The following CD300LG variants were observed in gnomAD, a reference collection of about 807,000 sequenced individuals.
CD300LG encodes the protein CMRF35-like molecule 9.
A neutral mutation model predicts 31.5 loss-of-function variants in CD300LG; 29 were observed. That is an observed-to-expected ratio of 0.92 (90% confidence interval 0.68 to 1.25). The LOEUF (loss-of-function observed/expected upper bound fraction) is 1.25, where lower values mean the gene tolerates loss of function less well. Among genes scored for constraint, CD300LG ranks in the 50% most tolerant of loss-of-function variants. CD300LG has a pLI of 0.00. For missense variants in CD300LG, 396 were observed against 417.6 expected (o/e 0.95, Z 0.45); for synonymous variants, 175 against 177.2 (o/e 0.99, Z 0.10).
Position 43,855,260 on chromosome 17 carries a change from T to G in CD300LG, c.773T>G (p.Leu258Arg). Residue 258 changes from leucine (L) to arginine (R), a missense_variant, in exon 5 of 7, where the codon CTT (leucine) becomes CGT (arginine). Transcript: ENST00000317310. Reference protein sequence around the residue: ...ILAPVLVLLSLLSAAGLIAFC... With the variant: ...ILAPVLVLLSRLSAAGLIAFC... ...GCCCCAGTCCTGGTGCTGCTGAGCC[T>G]TCTGTCAGCCGCAGGCCTGATCGCC... 2 of 1,610,118 alleles carry G rather than the reference T, an allele frequency of 1.2e-6. No individual in the cohort carries two copies. Among genetic ancestry groups the G allele is most frequent in the Non-Finnish European group, 1.7e-6 (2 of 1,178,898 alleles).
At chr17:43,852,771 G>A (rs999241336) in intron 2 of CD300LG, 141 bp from the exon 3 acceptor site, 11 of 562,674 alleles carry the variant, frequency 2.0e-5, no homozygotes, top group Admixed American at 1.7e-4. Context: ...AACCCGCCAC[G>A]TGGCTCCTGG....
intron 6 of CD300LG, among the ~76,000 whole-genome samples, chr17:43,860,367 G>A (rs952993206): frequency 1.3e-5 from 2 of 152,200 alleles, no homozygotes; most frequent in Non-Finnish European, 2.9e-5. Flanking sequence ...TACATGCCCA[G>A]AAAATGGGAG....
rs749556048 is a variant in CD300LG, at chr17:43,861,829, C to A, written c.917C>A (p.Ala306Asp). 84 of 1,611,868 alleles carry A rather than the reference C, an allele frequency of 5.2e-5. No individual in the cohort carries two copies. The Admixed American group carries it at 5.9e-4, about 11-fold the overall frequency. ...GAGGAAAAGGAAGCCCCTTCCCAGGCCCCTGAGGGGGACGTGATCTCGATG... is the reference window on the plus strand; with the variant it reads ...GAGGAAAAGGAAGCCCCTTCCCAGGACCCTGAGGGGGACGTGATCTCGATG... The part of the protein sequence containing the change: ...TAEEKEAPSQ[A>D]PEGDVISMPP... Residue 306 changes from alanine to aspartate, a missense_variant, in exon 7 of 7, where the codon GCC (alanine) becomes GAC (aspartate). Coordinates refer to ENST00000317310, the MANE Select transcript of CD300LG (RefSeq NM_145273.4).
chr17:43,847,203 G>A lies in CD300LG; in HGVS notation c.-14G>A. 6.2e-7 allele frequency: 1 copy of A among 1,613,774 alleles called. No individual in the cohort carries two copies. Among genetic ancestry groups the A allele is most frequent in the Non-Finnish European group, 8.5e-7 (1 of 1,179,824 alleles). On this transcript the variant is annotated 5_prime_UTR_variant, in exon 1 of 7. Transcript: ENST00000317310. ...AGTTCCCAGCGTCTGCTCCCACGGTGTCCAGCGCCCAGAATGCGGCTTCTG... is the reference window on the plus strand; with the variant it reads ...AGTTCCCAGCGTCTGCTCCCACGGTATCCAGCGCCCAGAATGCGGCTTCTG...
chr17:43,854,858 G>C (rs1382340510), intron 4 of CD300LG, among the ~76,000 whole-genome samples: 1 of 152,132 alleles, frequency 6.6e-6, no homozygotes, highest in Non-Finnish European at 1.5e-5. Context: ...TGAACTATGC[G>C]CTTTACACAT....
rs1598396375 is a variant in CD300LG, at chr17:43,854,103, T to C, written c.719+59T>C. On this transcript the variant is annotated intron_variant, in intron 4 of 6. Transcript: ENST00000317310. ...CCATCACTAAACCATAAGGTGCCTTTGAGAAAATAGGAACTCAACACTCTT... is the reference window on the plus strand; with the variant it reads ...CCATCACTAAACCATAAGGTGCCTTCGAGAAAATAGGAACTCAACACTCTT... The C allele has an allele frequency of 3.0e-6, 4 of 1,322,758 alleles. No homozygotes were observed. In the East Asian group the frequency reaches 9.4e-5, roughly 31 times the overall value. The allele number at this position is 1,322,758 out of a possible 1,614,324, so 81.9% of individuals were successfully genotyped here.
chr17:43,858,017 A>G (rs1214266003), intron 6 of CD300LG: 5 of 1,457,034 alleles, frequency 3.4e-6, no homozygotes, highest in Non-Finnish European at 3.6e-6. Flanking sequence ...ATCGCACTTC[A>G]GGCAACAGAA....
Position 43,848,736 on chromosome 17 carries a change from A to AAG in CD300LG, c.223_224insGA (p.Met75ArgfsTer2), listed in dbSNP as rs1567845814. ...ATGCAGAAGAAGAAGGCCAGGAGAC[A>AAG]ATGAAGGGCAGGGTGTCCATCCGTG... On this transcript the variant is annotated frameshift_variant, in exon 2 of 7. Coordinates refer to ENST00000317310, the MANE Select transcript of CD300LG (RefSeq NM_145273.4). LOFTEE classifies it high-confidence loss of function. The AAG allele has an allele frequency of 6.2e-7, 1 of 1,614,140 alleles. No individual in the cohort carries two copies. The highest frequency in any genetic ancestry group is 8.5e-7 in the Non-Finnish European group (1 of 1,180,026).
chr17:43,849,645 TG>T lies in CD300LG; in HGVS notation c.379+753del, dbSNP rs1177575278. 2.0e-5 allele frequency: 3 copies of T among 152,208 alleles called. No individual in the cohort carries two copies. The East Asian group carries it at 5.8e-4, about 29-fold the overall frequency. 9.4% of individuals were successfully genotyped at this position (152,208 alleles called of 1,614,324 possible). A position where few individuals can be genotyped will look rare whatever the true frequency, so the allele number is the denominator to read the frequency against. Reference sequence around the variant, plus strand: ...GGCCAGTGTGGGCGAGGTACATCTTTGTATCCCCATTTCACGGATGAGGGAC... The same window carrying T: ...GGCCAGTGTGGGCGAGGTACATCTTTTATCCCCATTTCACGGATGAGGGAC... On this transcript the variant is annotated intron_variant, in intron 2 of 6. Coordinates refer to ENST00000317310, the MANE Select transcript of CD300LG (RefSeq NM_145273.4).
intron 5 of CD300LG, 175 bp downstream of exon 5, chr17:43,855,494 A>T (rs2046492900): frequency 2.2e-6 from 1 of 458,668 alleles, no homozygotes; most frequent in Admixed American, 4.0e-5. Context: ...GGTAGTCAAC[A>T]TTAGGAAAGT....
intron 5 of CD300LG, 27 bp from the exon 6 acceptor site, chr17:43,857,077 G>C: frequency 6.2e-7 from 1 of 1,613,596 alleles, no homozygotes; most frequent in Non-Finnish European, 8.5e-7. Flanking sequence ...TGGCTTCAAG[G>C]GGCTCCTCCT....
intron 3 of CD300LG, 45 bp downstream of exon 3, chr17:43,853,058 C>T (rs751507658): frequency 1.3e-6 from 2 of 1,513,074 alleles, no homozygotes; most frequent in Non-Finnish European, 1.8e-6. Context: ...ACCCTTCTTA[C>T]AGAAGCAGCC....
chr17:43,855,137 G>T, intron 4 of CD300LG, 70 bp from the exon 5 acceptor site: 1 of 994,514 alleles, frequency 1.0e-6, no homozygotes. Flanking sequence ...CCTGTGCCTG[G>T]GACCCCCAAA....
intron 6 of CD300LG, among the ~76,000 whole-genome samples, chr17:43,860,763 C>T (rs918143941): frequency 6.6e-6 from 1 of 152,244 alleles, no homozygotes; most frequent in Non-Finnish European, 1.5e-5. Flanking sequence ...TACAAAGAAC[C>T]TGCAGCCTGC....
At chr17:43,857,985 C>G (rs2046573447) in intron 6 of CD300LG, 1 of 1,501,496 alleles carries the variant, frequency 6.7e-7, no homozygotes. Context: ...GAGGCCAGCA[C>G]TCCAACGGAG....
At chr17:43,851,488 G>T (rs1258013813) in intron 2 of CD300LG, among the ~76,000 whole-genome samples, 2 of 152,128 alleles carry the variant, frequency 1.3e-5, no homozygotes, top group African/African-American at 4.8e-5. Context: ...AGAAGAGAAA[G>T]TGGTGGAGAA....
At chr17:43,861,307 C>T in intron 6 of CD300LG, 1 of 984,308 alleles carries the variant, frequency 1.0e-6, no homozygotes, top group African/African-American at 1.7e-5. Context: ...CCTTGCCTGC[C>T]TCCACTCTGA....
At chr17:43,851,640 A>AT (rs60784804) in intron 2 of CD300LG, among the ~76,000 whole-genome samples, 2,681 of 111,850 alleles carry the variant, frequency 0.024, 98 homozygotes, top group Non-Finnish European at 0.032. Flanking sequence ...GAGGACAGGA[A>AT]TTTTTTTTTT....
intron 6 of CD300LG, among the ~76,000 whole-genome samples, chr17:43,860,452 TTGGGAGTCTTGGCTGGGGA>T (rs1004270981): frequency 6.6e-6 from 1 of 152,264 alleles, no homozygotes; most frequent in African/African-American, 2.4e-5. Context: ...GCCTGTGGCC[TTGGGAGTCTTGGCTGGGGA>T]GCTTGGCCGG....
Sources: allele counts gnomAD v4.1 joint callset (sites outside exome capture counted in the v4.1 genomes callset), GRCh38; gene constraint gnomAD v4.1.1; transcripts MANE v1.5; gene names NCBI Gene and HGNC (gene_info 2026-07-23, HGNC 2026-07-21).